Variants in ARRB1 observed in about 807,000 individuals in gnomAD.
ARRB1 encodes beta-arrestin-1.
A neutral mutation model predicts 56.8 loss-of-function variants in ARRB1; 21 were observed. The ratio of observed to expected loss-of-function variants is 0.37; its 90% CI spans 0.26 to 0.53. The LOEUF (loss-of-function observed/expected upper bound fraction) is 0.53. Ranked by LOEUF, ARRB1 falls within the 20% of genes least tolerant of loss-of-function variation. The pLI, the probability that ARRB1 is intolerant of heterozygous loss-of-function variation, is 0.88. For synonymous variants in ARRB1, 210 were observed against 218.6 expected, an observed-to-expected ratio of 0.96 and a Z score of 0.35; for missense variants, 424 against 553.7, an observed-to-expected ratio of 0.77 and a Z score of 2.35.
chr11:75,289,407 C>T (rs1037034368), intron 2 of ARRB1, among the ~76,000 whole-genome samples: 2 of 152,238 alleles, frequency 1.3e-5, no homozygotes, highest in Non-Finnish European at 2.9e-5. Context: ...CCCTCTGCCA[C>T]TTCATGTTGA....
intron 1 of ARRB1, among the ~76,000 whole-genome samples, chr11:75,331,000 A>G (rs1947511418): frequency 6.6e-6 from 1 of 152,338 alleles, no homozygotes; most frequent in Non-Finnish European, 1.5e-5. Context: ...AGGGAGAGGC[A>G]TATTTCAGAT....
At chr11:75,270,843 C>T (rs1050072477) in intron 13 of ARRB1, 5 of 152,028 alleles carry the variant, frequency 3.3e-5, no homozygotes, top group African/African-American at 7.2e-5. Flanking sequence ...CTGCCAGAAT[C>T]GTTACTTAAG....
chr11:75,268,894 C>G lies in ARRB1; in HGVS notation c.1088G>C (p.Arg363Pro), dbSNP rs375123746. ...GACCTACAGATTCTGCTCACCTTCCCGATGCGGGGGTTCCTCTTTGGGCTT... is the reference window on the plus strand; with the variant it reads ...GACCTACAGATTCTGCTCACCTTCCGGATGCGGGGGTTCCTCTTTGGGCTT... ...HPKPKEEPPH[R>P]EVPENETPVD... Residue 363 changes from arginine (R) to proline (P), a missense_variant, in exon 14 of 16, where the codon CGG (arginine) becomes CCG (proline). Physicochemically the swap from Arg to Pro is moderately radical, Grantham distance 103. Coordinates refer to ENST00000420843, the MANE Select transcript of ARRB1 (RefSeq NM_004041.5). The G allele has an allele frequency of 4.4e-5, 71 of 1,608,876 alleles. No homozygotes were observed. The highest frequency in any genetic ancestry group is 3.3e-4 in the Middle Eastern group (2 of 6,058).
At chr11:75,324,039 T>C (rs1947388912) in intron 1 of ARRB1, among the ~76,000 whole-genome samples, 1 of 152,074 alleles carries the variant, frequency 6.6e-6, no homozygotes, top group Non-Finnish European at 1.5e-5. Flanking sequence ...AACACATGCA[T>C]GCACACACAC....
intron 1 of ARRB1, chr11:75,303,621 T>G (rs1318955076): frequency 2.2e-6 from 1 of 456,160 alleles, no homozygotes; most frequent in Non-Finnish European, 4.4e-6. Context: ...CAGGCCCCGG[T>G]GTCGGTGTTG....
intron 8 of ARRB1, 62 bp from the exon 9 acceptor site, chr11:75,277,510 AG>A: frequency 6.9e-7 from 1 of 1,456,606 alleles, no homozygotes; most frequent in Non-Finnish European, 9.6e-7. Context: ...GGGAAAGGGG[AG>A]GGAGAAAAGC....
At chr11:75,345,569 CA>C (rs1283366983) in intron 1 of ARRB1, among the ~76,000 whole-genome samples, 2 of 152,146 alleles carry the variant, frequency 1.3e-5, no homozygotes, top group African/African-American at 4.8e-5. Context: ...ATGGAGGAGA[CA>C]TCCTTCCTTC....
At chr11:75,309,475 T>C (rs1452988402) in intron 1 of ARRB1, among the ~76,000 whole-genome samples, 4 of 152,212 alleles carry the variant, frequency 2.6e-5, no homozygotes, top group Non-Finnish European at 5.9e-5. Flanking sequence ...AACGCAGCCG[T>C]CTTGAGTGAA....
intron 1 of ARRB1, among the ~76,000 whole-genome samples, chr11:75,329,377 T>C (rs1432376691): frequency 6.6e-6 from 1 of 152,164 alleles, no homozygotes; most frequent in African/African-American, 2.4e-5. Context: ...GTGCTGGAAT[T>C]ACAGGTGTGA....
chr11:75,312,134 C>A (rs1162347780), intron 1 of ARRB1: 10 of 1,289,348 alleles, frequency 7.8e-6, no homozygotes, highest in Admixed American at 4.6e-5. Context: ...TGCTGCTGGC[C>A]TCTCCCTTCT....
intron 1 of ARRB1, among the ~76,000 whole-genome samples, chr11:75,300,073 C>T (rs1180016206): frequency 1.3e-5 from 2 of 151,826 alleles, no homozygotes; most frequent in Non-Finnish European, 2.9e-5. Context: ...GGTGTGGTGG[C>T]ACGTGCCTGT....
intron 14 of ARRB1, 76 bp downstream of exon 14, chr11:75,268,813 G>T: frequency 5.9e-6 from 9 of 1,513,780 alleles, no homozygotes; most frequent in Non-Finnish European, 8.1e-6. Context: ...GGGCGAACCC[G>T]GGGCGGGGTG....
At chr11:75,283,870 G>A (rs932953306) in intron 4 of ARRB1, among the ~76,000 whole-genome samples, 9 of 152,134 alleles carry the variant, frequency 5.9e-5, no homozygotes, top group African/African-American at 2.2e-4. Flanking sequence ...GTGCTGGGTG[G>A]TATCTGGACG....
At chr11:75,312,112 T>C in intron 1 of ARRB1, 4 of 1,289,550 alleles carry the variant, frequency 3.1e-6, no homozygotes, top group Non-Finnish European at 4.0e-6. Flanking sequence ...CTCTCCCATC[T>C]CTTGCAGTGG....
Position 75,261,073 on chromosome 11 carries a change from C to T in ARRB1, c.*5090G>A, listed in dbSNP as rs960561468. 9 of 152,124 alleles carry T rather than the reference C, an allele frequency of 5.9e-5. No homozygotes were observed. Among genetic ancestry groups the T allele is most frequent in the South Asian group, 2.1e-4 (1 of 4,814 alleles). The allele number at this position is 152,124 out of a possible 1,614,324, so 9.4% of individuals were successfully genotyped here. On this transcript the variant is annotated 3_prime_UTR_variant, in exon 16 of 16. Transcript: ENST00000420843. ...TCCAGAGCTCCCCATGCTTCATGGG[C>T]CAATATCAGGGTCACGACCCATCCC...
chr11:75,320,591 G>T (rs1947332096), intron 1 of ARRB1, among the ~76,000 whole-genome samples: 1 of 152,178 alleles, frequency 6.6e-6, no homozygotes, highest in African/African-American at 2.4e-5. Context: ...AGGGCTGAAG[G>T]CTCCAGGAGG....
intron 1 of ARRB1, among the ~76,000 whole-genome samples, chr11:75,308,488 A>G (rs546752168): frequency 5.9e-5 from 9 of 152,236 alleles, no homozygotes; most frequent in Non-Finnish European, 1.0e-4. Flanking sequence ...GCTCACGCCT[A>G]TAATCCCAGC....
chr11:75,286,389 A>T (rs1591920204), intron 3 of ARRB1, among the ~76,000 whole-genome samples: 1 of 136,136 alleles, frequency 7.3e-6, no homozygotes, highest in Non-Finnish European at 1.5e-5. Flanking sequence ...TGCCTCACCC[A>T]CCCCAGTAGC....
chr11:75,266,370 C>A, intron 15 of ARRB1, 96 bp from the exon 16 acceptor site: 1 of 1,034,160 alleles, frequency 9.7e-7, no homozygotes, highest in Non-Finnish European at 1.5e-6. Context: ...GAGTATGGCT[C>A]TGGGGCCGGG....
Sources: gnomAD v4.1 joint callset for allele counts (sites outside exome capture counted in the v4.1 genomes callset) on GRCh38, gnomAD v4.1.1 for gene constraint, MANE v1.5 for transcripts, NCBI Gene and HGNC (gene_info 2026-07-23, HGNC 2026-07-21) for gene names.